The following ASB3 variants were observed in gnomAD, a reference collection of about 807,000 sequenced individuals.
ASB3 encodes ankyrin repeat and SOCS box protein 3.
ASB3 carries 41 observed loss-of-function variants against 54.5 expected under a neutral mutation model. That is an observed-to-expected ratio of 0.75 (90% CI 0.59 to 0.98). The LOEUF is 0.98. Ranked by LOEUF, ASB3 falls within the 50% of genes least tolerant of loss-of-function variation. The probability of loss-of-function intolerance (pLI) is 0.00; values close to 1 mark genes in which losing one functional copy is unlikely to be tolerated. For synonymous variants in ASB3, 266 were observed against 221.2 expected (o/e 1.20, Z -1.80); for missense variants, 733 against 620.0 (o/e 1.18, Z -1.94).
At chr2:53,676,636 T>A (rs914225344) in intron 9 of ASB3, among the ~76,000 whole-genome samples, 1 of 152,326 alleles carries the variant, frequency 6.6e-6, no homozygotes, top group African/African-American at 2.4e-5. Context: ...CATACAGTAA[T>A]GTCTGAGGCC....
intron 3 of ASB3, among the ~76,000 whole-genome samples, chr2:53,736,497 G>C (rs572758997): frequency 6.6e-6 from 1 of 151,884 alleles, no homozygotes; most frequent in East Asian, 2.0e-4. Flanking sequence ...AGGAAATCGA[G>C]ACCATCCTGG....
intron 9 of ASB3, among the ~76,000 whole-genome samples, chr2:53,691,921 A>G (rs977848623): frequency 6.6e-6 from 1 of 152,210 alleles, no homozygotes; most frequent in Non-Finnish European, 1.5e-5. Context: ...TGTAACAAGG[A>G]GAGGGATAAA....
intron 9 of ASB3, among the ~76,000 whole-genome samples, chr2:53,690,232 TC>T (rs745781983): frequency 1.5e-4 from 23 of 151,316 alleles, no homozygotes; most frequent in Non-Finnish European, 3.1e-4. Context: ...CAAGACCCTG[TC>T]CCCCCAAATA....
At chr2:53,673,332 A>G (rs1373267000) in intron 9 of ASB3, among the ~76,000 whole-genome samples, 1 of 152,186 alleles carries the variant, frequency 6.6e-6, no homozygotes, top group Non-Finnish European at 1.5e-5. Flanking sequence ...TCACATGGAG[A>G]TAAGGGATCC....
intron 2 of ASB3, among the ~76,000 whole-genome samples, chr2:53,752,568 A>T (rs1672576112): frequency 6.6e-6 from 1 of 152,212 alleles, no homozygotes; most frequent in African/African-American, 2.4e-5. Context: ...CTTTCTGTGC[A>T]CGTGTTAAGG....
intron 3 of ASB3, among the ~76,000 whole-genome samples, chr2:53,736,633 A>G (rs1671649042): frequency 6.6e-6 from 1 of 151,554 alleles, no homozygotes; most frequent in South Asian, 2.1e-4. Flanking sequence ...CAGGAGGCGG[A>G]GCTTGCAGTG....
chr2:53,681,352 T>G (rs902447754), intron 9 of ASB3, among the ~76,000 whole-genome samples: 1 of 152,226 alleles, frequency 6.6e-6, no homozygotes, highest in African/African-American at 2.4e-5. Context: ...TCCTTTGCTG[T>G]GCATCAGAAA....
intron 1 of ASB3, among the ~76,000 whole-genome samples, chr2:53,782,115 G>A (rs935090931): frequency 6.6e-5 from 10 of 152,124 alleles, no homozygotes; most frequent in Admixed American, 2.0e-4. Context: ...AGGTTGGGAT[G>A]GCAGTGAGCA....
At chr2:53,708,188 T>C (rs1261037626) in intron 7 of ASB3, among the ~76,000 whole-genome samples, 5 of 152,008 alleles carry the variant, frequency 3.3e-5, no homozygotes, top group African/African-American at 9.7e-5. Context: ...CTCGGTAGTG[T>C]CCTCACAGTA....
intron 1 of ASB3, among the ~76,000 whole-genome samples, chr2:53,766,198 A>G (rs143705337): frequency 5.9e-5 from 9 of 152,304 alleles, no homozygotes; most frequent in Middle Eastern, 6.8e-3. Flanking sequence ...TACTGAAACC[A>G]ACAGAGAACA....
At chr2:53,735,391 C>T (rs1671565815) in intron 3 of ASB3, among the ~76,000 whole-genome samples, 1 of 151,284 alleles carries the variant, frequency 6.6e-6, no homozygotes, top group South Asian at 2.1e-4. Context: ...TTAAAATCAA[C>T]ATGCCTAACA....
intron 8 of ASB3, 129 bp from the exon 9 acceptor site, chr2:53,694,143 T>G: frequency 9.4e-7 from 1 of 1,059,878 alleles, no homozygotes; most frequent in Non-Finnish European, 1.4e-6. Flanking sequence ...CAGGGCATGT[T>G]AAGTATTTAT....
chr2:53,727,256 C>A (rs1199462978), intron 5 of ASB3, among the ~76,000 whole-genome samples: 1 of 152,184 alleles, frequency 6.6e-6, no homozygotes, highest in East Asian at 1.9e-4. Flanking sequence ...CTTCAATTGG[C>A]ACTTAATGAA....
intron 1 of ASB3, chr2:53,768,205 C>A (rs975368860): frequency 3.0e-6 from 2 of 675,002 alleles, no homozygotes; most frequent in Admixed American, 3.1e-5. Flanking sequence ...CCAGCCCGGG[C>A]ACTCCTTCCG....
At chr2:53,719,567 G>C (rs1373634899) in intron 5 of ASB3, among the ~76,000 whole-genome samples, 1 of 151,748 alleles carries the variant, frequency 6.6e-6, no homozygotes, top group Non-Finnish European at 1.5e-5. Flanking sequence ...CTTCTAGAAA[G>C]ACGTCAGCCC....
Position 53,762,627 on chromosome 2 carries a change from C to T in ASB3, c.196+2750G>A, listed in dbSNP as rs549928550. On this transcript the variant is annotated intron_variant, in intron 2 of 9. Coordinates refer to ENST00000263634, the MANE Select transcript of ASB3 (RefSeq NM_016115.5). ...ATAAGATTTTTAAGGGACTTTTAGT[C>T]AGCAAATGACTTATTATTGAATGGC... Among the ~76,000 whole-genome samples the T allele has an allele frequency of 2.0e-5, 3 of 152,266 alleles. No individual in the cohort carries two copies. The South Asian group carries it at 6.2e-4, about 32-fold the overall frequency.
chr2:53,679,626 A>G (rs1668257622), intron 9 of ASB3, among the ~76,000 whole-genome samples: 1 of 152,168 alleles, frequency 6.6e-6, no homozygotes. Context: ...GATCTATAAA[A>G]CATGATCAAG....
intron 7 of ASB3, among the ~76,000 whole-genome samples, chr2:53,713,038 A>C (rs1024008331): frequency 1.3e-5 from 2 of 152,174 alleles, no homozygotes; most frequent in African/African-American, 4.8e-5. Context: ...TATTCAAACT[A>C]AAATGTATAA....
At chr2:53,751,491 T>C (rs1176083584) in intron 2 of ASB3, among the ~76,000 whole-genome samples, 2 of 152,072 alleles carry the variant, frequency 1.3e-5, no homozygotes, top group Non-Finnish European at 2.9e-5. Context: ...CAGTGACATA[T>C]AATAAGGAAT....
Sources: gnomAD v4.1 joint callset for allele counts (sites outside exome capture counted in the v4.1 genomes callset) on GRCh38, gnomAD v4.1.1 for gene constraint, MANE v1.5 for transcripts, NCBI Gene and HGNC (gene_info 2026-07-23, HGNC 2026-07-21) for gene names.